Variants in TASL observed in about 807,000 individuals in gnomAD.
TASL encodes TLR adaptor interacting with endolysosomal SLC15A4, also known as TLR adapter interacting with SLC15A4 on the lysosome.
TASL carries 6 observed loss-of-function variants against 12.9 expected under a neutral mutation model. The ratio of observed to expected loss-of-function variants is 0.46; its 90% CI spans 0.25 to 0.92. The LOEUF (loss-of-function observed/expected upper bound fraction) is 0.92. TASL is among the 40% of genes least tolerant of loss of function. The pLI is 0.17. For synonymous variants in TASL, 85 were observed against 79.3 expected, an observed-to-expected ratio of 1.07 and a Z score of -0.38; for missense variants, 165 against 212.8, an observed-to-expected ratio of 0.78 and a Z score of 1.40.
intron 2 of TASL, among the ~76,000 whole-genome samples, chrX:30,567,290 A>G (rs1409139565): frequency 3.6e-5 from 4 of 110,530 alleles, no homozygotes; most frequent in South Asian, 3.8e-4. Context: ...AAAAAAAAAA[A>G]AAAGAAAGAA....
At chrX:30,572,147 A>G (rs945822166) in intron 2 of TASL, among the ~76,000 whole-genome samples, 6 of 112,040 alleles carry the variant, frequency 5.4e-5, no homozygotes, top group Non-Finnish European at 1.1e-4. Context: ...TTAATCATTA[A>G]CAGATAGGGG....
At chrX:30,560,766 C>T (rs1930408823) in intron 2 of TASL, among the ~76,000 whole-genome samples, 1 of 109,931 alleles carries the variant, frequency 9.1e-6, no homozygotes, top group Non-Finnish European at 1.9e-5. Flanking sequence ...ATTAGGAGTT[C>T]CAGCCATAGG....
chrX:30,560,429 C>T, intron 2 of TASL, 73 bp from the exon 3 acceptor site: 1 of 724,586 alleles, frequency 1.4e-6, no homozygotes, highest in Non-Finnish European at 2.0e-6. Flanking sequence ...CTTGATATAT[C>T]AAAAAATAAG....
chrX:30,571,840 A>G (rs1387980333), intron 2 of TASL, among the ~76,000 whole-genome samples: 3 of 110,966 alleles, frequency 2.7e-5, no homozygotes, highest in African/African-American at 9.8e-5. Context: ...AGGGTATATA[A>G]AAGGTACACT....
At chrX:30,569,649 A>G (rs751917691) in intron 2 of TASL, among the ~76,000 whole-genome samples, 1 of 111,754 alleles carries the variant, frequency 8.9e-6, no homozygotes, top group African/African-American at 3.3e-5. Context: ...TACAAGGAGG[A>G]AGGAGCAGCA....
At chrX:30,569,456 TAG>T (rs1930557185) in intron 2 of TASL, among the ~76,000 whole-genome samples, 1 of 111,480 alleles carries the variant, frequency 9.0e-6, no homozygotes, top group African/African-American at 3.3e-5. Context: ...TGACAAGAGA[TAG>T]ACTGTCTGGG....
intron 2 of TASL, among the ~76,000 whole-genome samples, chrX:30,571,330 C>T (rs1417518399): frequency 2.6e-5 from 2 of 75,646 alleles, no homozygotes; most frequent in African/African-American, 5.7e-5. Flanking sequence ...AAGAAAGAAA[C>T]CCATTTGGCC....
At chrX:30,564,930 G>T (rs1930478223) in intron 2 of TASL, among the ~76,000 whole-genome samples, 1 of 111,777 alleles carries the variant, frequency 8.9e-6, no homozygotes, top group African/African-American at 3.3e-5. Flanking sequence ...AGGGTAAGGA[G>T]TTCTAGAGTC....
At chrX:30,571,993 G>T (rs1395489015) in intron 2 of TASL, among the ~76,000 whole-genome samples, 1 of 109,744 alleles carries the variant, frequency 9.1e-6, no homozygotes, top group Non-Finnish European at 1.9e-5. Flanking sequence ...TATATATAAA[G>T]CTATATATAT....
intron 2 of TASL, among the ~76,000 whole-genome samples, chrX:30,571,199 GGAAA>G (rs1304199164): frequency 7.9e-4 from 60 of 75,479 alleles, no homozygotes; most frequent in Middle Eastern, 7.8e-3. Flanking sequence ...AAAGAAAGAA[GGAAA>G]GAAAGAAGGA....
intron 2 of TASL, among the ~76,000 whole-genome samples, chrX:30,571,432 A>G (rs756989434): frequency 2.8e-4 from 31 of 110,065 alleles, no homozygotes; most frequent in African/African-American, 9.6e-4. Context: ...CAGCCTGGCC[A>G]ACATGACAAA....
intron 2 of TASL, among the ~76,000 whole-genome samples, chrX:30,564,104 G>A (rs1441114450): frequency 9.0e-6 from 1 of 111,056 alleles, no homozygotes; most frequent in East Asian, 2.8e-4. Context: ...AAAGAGTTAA[G>A]GTATAATATA....
intron 2 of TASL, among the ~76,000 whole-genome samples, chrX:30,568,970 C>CAAA (rs58377097): frequency 2.6e-5 from 2 of 76,318 alleles, no homozygotes; most frequent in Admixed American, 1.5e-4. Context: ...ACGTCCCCAG[C>CAAA]AAAAAAAAAA....
chrX:30,573,266 C>T (rs1313722319), intron 2 of TASL, among the ~76,000 whole-genome samples: 1 of 112,059 alleles, frequency 8.9e-6, no homozygotes, highest in African/African-American at 3.2e-5. Context: ...CACTATTGTA[C>T]AGTTAAGAGC....
At chrX:30,577,071 C>G (rs1017436548) in intron 1 of TASL, among the ~76,000 whole-genome samples, 2 of 112,001 alleles carry the variant, frequency 1.8e-5, no homozygotes, top group African/African-American at 6.5e-5. Flanking sequence ...CGAAAAGCAT[C>G]CTCACTATAG....
intron 2 of TASL, among the ~76,000 whole-genome samples, chrX:30,563,001 G>T (rs1262974572): frequency 9.1e-6 from 1 of 109,902 alleles, no homozygotes; most frequent in African/African-American, 3.3e-5. Context: ...TGAGAAGCAG[G>T]AGATTGAGGA....
rs1391027079 is a variant in TASL at position 30,560,325 on chromosome X, C to G, written c.31G>C (p.Glu11Gln). 8.4e-7 allele frequency: 1 copy of G among 1,195,813 alleles called. No homozygotes were observed. Among genetic ancestry groups the G allele is most frequent in the Admixed American group, 2.2e-5 (1 of 45,048 alleles). The part of the protein sequence containing the change: MLSEGYLSGL[E>Q]YWNDIHWSCA... ...CTCCAGTGGATGTCATTCCAGTACT[C>G]AAGTCCACTGAGATACCCTTCTGAC... The change falls in exon 3 of 3, where the codon GAG becomes CAG. Residue 11 changes from glutamate (E) to glutamine (Q), a missense_variant. Coordinates refer to ENST00000378962, the MANE Select transcript of TASL (RefSeq NM_025159.3).
chrX:30,567,536 T>C (rs934190929), intron 2 of TASL, among the ~76,000 whole-genome samples: 5 of 111,795 alleles, frequency 4.5e-5, no homozygotes, highest in African/African-American at 1.6e-4. Context: ...AATACTATTT[T>C]AATGTACATA....
At chrX:30,569,390 A>C (rs1220543440) in intron 2 of TASL, among the ~76,000 whole-genome samples, 1 of 111,335 alleles carries the variant, frequency 9.0e-6, no homozygotes, top group Non-Finnish European at 1.9e-5. Flanking sequence ...CCAAAATGGG[A>C]AGATCAGGAG....
Sources: gnomAD v4.1 joint callset for allele counts (sites outside exome capture counted in the v4.1 genomes callset) on GRCh38, gnomAD v4.1.1 for gene constraint, MANE v1.5 for transcripts, NCBI Gene and HGNC (gene_info 2026-07-23, HGNC 2026-07-21) for gene names.